CCDC7: variants seen among roughly 807,000 people sequenced by gnomAD.
The protein encoded by CCDC7 is coiled-coil domain-containing protein 7.
In CCDC7, 183 loss-of-function variants were observed where a neutral mutation model predicts 196.9. The ratio of observed to expected loss-of-function variants is 0.93; its 90% CI spans 0.82 to 1.05. The LOEUF is 1.05. Ranked by LOEUF, CCDC7 falls within the 50% of genes least tolerant of loss-of-function variation. The pLI, the probability that CCDC7 is intolerant of heterozygous loss-of-function variation, is 0.00. For missense variants in CCDC7, 1,540 were observed against 1,482.2 expected (o/e 1.04, Z -0.64); for synonymous variants, 525 against 484.6 (o/e 1.08, Z -1.10).
intron 9 of CCDC7, among the ~76,000 whole-genome samples, chr10:32,493,980 C>T (rs879751702): frequency 2.0e-5 from 3 of 152,130 alleles, no homozygotes; most frequent in Non-Finnish European, 2.9e-5. Context: ...TTCTCCCATT[C>T]CATAGTTTGT....
At chr10:32,710,871 A>T (rs2080705494) in intron 24 of CCDC7, among the ~76,000 whole-genome samples, 1 of 152,196 alleles carries the variant, frequency 6.6e-6, no homozygotes, top group Non-Finnish European at 1.5e-5. Context: ...GGTAACAATT[A>T]AGCCTTTATT....
upstream of CCDC7, among the ~76,000 whole-genome samples, chr10:32,445,968 T>C (rs79130651): frequency 0.13 from 20,359 of 152,150 alleles, 1,620 homozygotes; most frequent in African/African-American, 0.22. Flanking sequence ...TGGGAGAGAA[T>C]AAGAAAGGAG....
chr10:32,819,496 G>A (rs1221259919), intron 31 of CCDC7, among the ~76,000 whole-genome samples: 1 of 152,078 alleles, frequency 6.6e-6, no homozygotes, highest in Non-Finnish European at 1.5e-5. Context: ...ACCAAAGCCT[G>A]ACAGAGACAC....
At chr10:32,626,766 C>A (rs2064103081) in intron 18 of CCDC7, among the ~76,000 whole-genome samples, 1 of 152,090 alleles carries the variant, frequency 6.6e-6, no homozygotes, top group Admixed American at 6.6e-5. Context: ...TAATTCTTTG[C>A]ATGTGAGTAT....
chr10:32,818,105 G>C (rs2089224724), intron 31 of CCDC7, among the ~76,000 whole-genome samples: 1 of 152,144 alleles, frequency 6.6e-6, no homozygotes, highest in South Asian at 2.1e-4. Context: ...CTCATGTGCA[G>C]AGACACACAT....
chr10:32,771,098 A>G (rs1348188439), intron 28 of CCDC7, among the ~76,000 whole-genome samples: 1 of 152,142 alleles, frequency 6.6e-6, no homozygotes, highest in African/African-American at 2.4e-5. Context: ...TTAAGATGTG[A>G]GGTACTGTTT....
Position 32,580,498 on chromosome 10 carries a change from T to A in CCDC7, c.1455-2536T>A, listed in dbSNP as rs180986935. ...GTATTGTAAAAACTATCAAAATATT[T>A]ATAACTTTTGACTTTTATAACACCT... is the stretch of plus-strand genomic sequence containing the variant. On this transcript the variant is annotated intron_variant, in intron 16 of 41. Transcript: ENST00000639629. Among the ~76,000 whole-genome samples, 63 of 152,242 alleles carry A rather than the reference T, an allele frequency of 4.1e-4. 1 individual carries two copies. Among genetic ancestry groups the A allele is most frequent in the Admixed American group, 3.3e-3 (51 of 15,284 alleles).
chr10:32,661,350 A>T (rs917734883), intron 20 of CCDC7, among the ~76,000 whole-genome samples: 1 of 151,754 alleles, frequency 6.6e-6, no homozygotes, highest in Non-Finnish European at 1.5e-5. Flanking sequence ...GTGGAGAAAT[A>T]GGAACACTTT....
chr10:32,814,040 C>A (rs2087785922), intron 30 of CCDC7, among the ~76,000 whole-genome samples: 1 of 152,252 alleles, frequency 6.6e-6, no homozygotes, highest in South Asian at 2.1e-4. Flanking sequence ...TCACTGCAAC[C>A]TCCGACTCCT....
intron 25 of CCDC7, among the ~76,000 whole-genome samples, chr10:32,719,045 A>G (rs2082022286): frequency 6.6e-6 from 1 of 152,122 alleles, no homozygotes; most frequent in East Asian, 1.9e-4. Flanking sequence ...TATGGAACCA[A>G]AAAAAGAGCC....
chr10:32,670,768 G>A (rs1332598039), intron 21 of CCDC7, among the ~76,000 whole-genome samples: 4 of 151,582 alleles, frequency 2.6e-5, no homozygotes, highest in Non-Finnish European at 5.9e-5. Flanking sequence ...CTTTTCTATT[G>A]TTTTTTTCTC....
intron 11 of CCDC7, among the ~76,000 whole-genome samples, chr10:32,525,356 T>C (rs2048505414): frequency 6.6e-6 from 1 of 152,266 alleles, no homozygotes; most frequent in South Asian, 2.1e-4. Flanking sequence ...TTCTTCAGCA[T>C]GTCAATTGCA....
intron 23 of CCDC7, among the ~76,000 whole-genome samples, chr10:32,691,060 A>C (rs1212960406): frequency 6.6e-6 from 1 of 152,088 alleles, no homozygotes; most frequent in African/African-American, 2.4e-5. Flanking sequence ...ATTTCTTCCC[A>C]CCTTCCCTTT....
intron 13 of CCDC7, among the ~76,000 whole-genome samples, chr10:32,555,862 T>G (rs1382750611): frequency 6.6e-6 from 1 of 152,210 alleles, no homozygotes; most frequent in Non-Finnish European, 1.5e-5. Flanking sequence ...CAAGATAAGT[T>G]TTATTCCTAT....
chr10:32,675,477 A>G (rs1421638828), intron 21 of CCDC7, among the ~76,000 whole-genome samples: 1 of 152,116 alleles, frequency 6.6e-6, no homozygotes, highest in African/African-American at 2.4e-5. Context: ...CCATTAACCA[A>G]TTTTTGTGAT....
At chr10:32,814,599 A>G (rs987238932) in intron 31 of CCDC7, 146 bp downstream of exon 32, 1 of 571,200 alleles carries the variant, frequency 1.8e-6, no homozygotes, top group African/African-American at 1.8e-5. Context: ...ATAATATTTC[A>G]ACTCTAGTTT....
At chr10:32,511,667 A>G (rs138607647) in intron 9 of CCDC7, 67,715 of 1,570,522 alleles carry the variant, frequency 0.043, 1,609 homozygotes, top group Middle Eastern at 0.047. Flanking sequence ...CACAGCACCA[A>G]TGGAATTCTC....
At chr10:32,646,350 G>C (rs1297380717) in intron 20 of CCDC7, among the ~76,000 whole-genome samples, 2 of 151,148 alleles carry the variant, frequency 1.3e-5, no homozygotes, top group African/African-American at 4.9e-5. Flanking sequence ...AGTTCCTTCT[G>C]TTATTGATTC....
At chr10:32,513,533 G>A (rs1387928603) in intron 9 of CCDC7, 1 of 149,832 alleles carries the variant, frequency 6.7e-6, no homozygotes, top group Admixed American at 6.6e-5. Flanking sequence ...ACAATCACAA[G>A]AACATAAATA....
Sources: allele counts gnomAD v4.1 joint callset (sites outside exome capture counted in the v4.1 genomes callset), GRCh38; gene constraint gnomAD v4.1.1; transcripts MANE v1.5; gene names NCBI Gene and HGNC (gene_info 2026-07-23, HGNC 2026-07-21).